Variants in MAML2 observed in about 807,000 individuals in gnomAD.
MAML2 encodes mastermind-like protein 2.
Under a neutral mutation model 96.1 loss-of-function variants are expected in MAML2, and 22 were observed. The observed-to-expected ratio is 0.23, with a 90% CI of 0.16 to 0.33. The LOEUF (loss-of-function observed/expected upper bound fraction) is 0.33. Ranked by LOEUF, MAML2 falls within the 10% of genes least tolerant of loss-of-function variation. The pLI is 1.00. For missense variants in MAML2, 1,367 were observed against 1,392.4 expected, an observed-to-expected ratio of 0.98 and a Z score of 0.29; for synonymous variants, 561 against 521.3, an observed-to-expected ratio of 1.08 and a Z score of -1.04.
intron 1 of MAML2, among the ~76,000 whole-genome samples, chr11:96,307,404 C>T (rs1863479538): frequency 6.6e-6 from 1 of 152,126 alleles, no homozygotes; most frequent in African/African-American, 2.4e-5. Flanking sequence ...AAGTATATTC[C>T]TTAAATATAT....
At chr11:96,252,790 G>A (rs1185003984) in intron 1 of MAML2, among the ~76,000 whole-genome samples, 1 of 152,190 alleles carries the variant, frequency 6.6e-6, no homozygotes, top group Non-Finnish European at 1.5e-5. Context: ...AGCATAAGCA[G>A]TCTGGCTTCA....
chr11:96,206,805 A>G (rs780774528), intron 1 of MAML2, among the ~76,000 whole-genome samples: 2 of 152,202 alleles, frequency 1.3e-5, no homozygotes, highest in Non-Finnish European at 2.9e-5. Flanking sequence ...GCAACTCCAT[A>G]TTATTATTTA....
chr11:96,028,590 C>G (rs1330892933), intron 2 of MAML2, among the ~76,000 whole-genome samples: 1 of 152,168 alleles, frequency 6.6e-6, no homozygotes, highest in African/African-American at 2.4e-5. Context: ...GTGCCTGGCA[C>G]ATAATAGGCA....
intron 1 of MAML2, among the ~76,000 whole-genome samples, chr11:96,326,707 G>A (rs1169174106): frequency 6.6e-6 from 1 of 151,960 alleles, no homozygotes; most frequent in East Asian, 1.9e-4. Flanking sequence ...GGCTGAGGCA[G>A]TGAGCCGAGA....
intron 1 of MAML2, among the ~76,000 whole-genome samples, chr11:96,151,793 A>G (rs569586030): frequency 6.6e-6 from 1 of 152,344 alleles, no homozygotes; most frequent in Non-Finnish European, 1.5e-5. Context: ...CAGAACTATG[A>G]GCCAATGAAA....
In MAML2 at chr11:95,978,595, A is replaced by G. The variant is rs911225056; in HGVS notation, c.*353T>C. 7.5e-6 allele frequency: 2 copies of G among 265,338 alleles called. No individual in the cohort carries two copies. The highest frequency in any genetic ancestry group is 4.4e-5 in the African/African-American group (2 of 45,674). The allele number at this position is 265,338 out of a possible 1,614,324, so 16.4% of individuals were successfully genotyped here. A position where few individuals can be genotyped will look rare whatever the true frequency, so the allele number is the denominator to read the frequency against. ...TACCTCCTCATGACATGGGGTTTAA[A>G]TAAACTACAAGTTCTATTACCTTTT... is the stretch of plus-strand genomic sequence containing the variant. On this transcript the variant is annotated 3_prime_UTR_variant, in exon 5 of 5. Transcript: ENST00000524717.
intron 1 of MAML2, among the ~76,000 whole-genome samples, chr11:96,302,004 G>T (rs1265735019): frequency 2.0e-5 from 3 of 152,136 alleles, no homozygotes; most frequent in Admixed American, 1.3e-4. Context: ...CACTTTTTGT[G>T]TGTGTGCTAG....
intron 1 of MAML2, among the ~76,000 whole-genome samples, chr11:96,127,997 T>C (rs1377534793): frequency 6.6e-6 from 1 of 152,192 alleles, no homozygotes; most frequent in Non-Finnish European, 1.5e-5. Context: ...CCTTAGTGTG[T>C]ATACAAGTCA....
At position 96,178,082 on chromosome 11, in the gene MAML2, CTT is replaced by C. The variant is rs545781873; in HGVS notation, c.514-84567_514-84566del. 5.1e-3 allele frequency among the ~76,000 whole-genome samples: 658 copies of C among 129,814 alleles called. 5 individuals are homozygous for C. The highest frequency in any genetic ancestry group is 0.012 in the Middle Eastern group (3 of 250). 85.2% of individuals were successfully genotyped at this position (129,814 alleles called of 152,430 possible). On this transcript the variant is annotated intron_variant, in intron 1 of 4. Coordinates refer to ENST00000524717, the MANE Select transcript of MAML2 (RefSeq NM_032427.4). ...TAAGCGTTTCTTTCTGGGAATTTTT[CTT>C]TCTTTTTTTTCTTTTTTTTTTGCTG...
At chr11:96,139,333 C>G (rs1019973722) in intron 1 of MAML2, among the ~76,000 whole-genome samples, 2 of 151,924 alleles carry the variant, frequency 1.3e-5, no homozygotes, top group Non-Finnish European at 2.9e-5. Context: ...AAAAATTAGC[C>G]GGGCGTGGTG....
chr11:96,030,008 T>C (rs1023240665), intron 2 of MAML2, among the ~76,000 whole-genome samples: 4 of 152,156 alleles, frequency 2.6e-5, no homozygotes, highest in Non-Finnish European at 4.4e-5. Flanking sequence ...CCAAGGTGGG[T>C]GGATCACGAG....
intron 1 of MAML2, among the ~76,000 whole-genome samples, chr11:96,262,428 C>T (rs1862762439): frequency 6.6e-6 from 1 of 151,742 alleles, no homozygotes; most frequent in African/African-American, 2.4e-5. Context: ...TCTTGTTTTT[C>T]CCTCCAGTCA....
chr11:96,177,916 T>TTGTGTGTGTGTGTG lies in MAML2; in HGVS notation c.514-84413_514-84400dup, dbSNP rs58447778. ...AAAATTGAATATCTGGAGACCTTAG[T>TTGTGTGTGTGTGTG]TGTGTGTGTGTGTGTGTGTGTGTGT... On this transcript the variant is annotated intron_variant, in intron 1 of 4. Transcript: ENST00000524717. Among the ~76,000 whole-genome samples, 183 of 139,936 alleles carry TTGTGTGTGTGTGTG rather than the reference T, an allele frequency of 1.3e-3. 1 individual carries two copies. The highest frequency in any genetic ancestry group is 3.6e-3 in the African/African-American group (134 of 37,696). The allele number at this position is 139,936 out of a possible 152,430, so 91.8% of individuals were successfully genotyped here. A position where few individuals can be genotyped will look rare whatever the true frequency, so the allele number is the denominator to read the frequency against.
At chr11:96,182,467 C>G (rs770431189) in intron 1 of MAML2, among the ~76,000 whole-genome samples, 10 of 152,064 alleles carry the variant, frequency 6.6e-5, no homozygotes, top group Non-Finnish European at 1.5e-4. Flanking sequence ...TTTCCCTCAT[C>G]ATAGAATTAA....
chr11:96,153,120 A>C (rs189981944), intron 1 of MAML2, among the ~76,000 whole-genome samples: 1 of 152,168 alleles, frequency 6.6e-6, no homozygotes, highest in Non-Finnish European at 1.5e-5. Context: ...TCAAGGTATA[A>C]AATTTAGGCC....
chr11:96,316,436 T>A (rs1863634405), intron 1 of MAML2, among the ~76,000 whole-genome samples: 1 of 151,866 alleles, frequency 6.6e-6, no homozygotes, highest in African/African-American at 2.4e-5. Flanking sequence ...AAGAGTAATC[T>A]CTTTAGGAGG....
chr11:96,241,037 T>C (rs1266350162), intron 1 of MAML2, among the ~76,000 whole-genome samples: 1 of 152,226 alleles, frequency 6.6e-6, no homozygotes, highest in South Asian at 2.1e-4. Flanking sequence ...TTTTCCAGAA[T>C]ATGAAGATAA....
chr11:96,148,987 G>A (rs759244276), intron 1 of MAML2, among the ~76,000 whole-genome samples: 2 of 152,224 alleles, frequency 1.3e-5, no homozygotes, highest in African/African-American at 4.8e-5. Flanking sequence ...TGCTTAAGGC[G>A]GCATCTTAAA....
intron 1 of MAML2, among the ~76,000 whole-genome samples, chr11:96,329,845 A>G (rs1863830992): frequency 6.6e-6 from 1 of 152,240 alleles, no homozygotes; most frequent in African/African-American, 2.4e-5. Flanking sequence ...AAAAAGAGTG[A>G]CAGAATTTAG....
Sources: allele counts gnomAD v4.1 joint callset (sites outside exome capture counted in the v4.1 genomes callset), GRCh38; gene constraint gnomAD v4.1.1; transcripts MANE v1.5; gene names NCBI Gene and HGNC (gene_info 2026-07-23, HGNC 2026-07-21).